Variants in UVSSA observed in about 807,000 individuals in gnomAD.
The protein encoded by UVSSA is UV-stimulated scaffold protein A.
A neutral mutation model predicts 73.9 loss-of-function variants in UVSSA; 72 were observed. The observed-to-expected ratio is 0.97, with a 90% CI of 0.81 to 1.19. The LOEUF (loss-of-function observed/expected upper bound fraction) is 1.19, where lower values mean the gene tolerates loss of function less well. Ranked by LOEUF, UVSSA falls within the 50% of genes most tolerant of loss-of-function variation. The pLI is 0.00. For synonymous variants in UVSSA, 454 were observed against 391.3 expected, an observed-to-expected ratio of 1.16 and a Z score of -1.89; for missense variants, 1,150 against 965.0, an observed-to-expected ratio of 1.19 and a Z score of -2.54.
rs745895956 is a variant in UVSSA at position 1,353,182 on chromosome 4, G to T, written c.703G>T (p.Val235Leu). The T allele has an allele frequency of 9.9e-6, 16 of 1,612,556 alleles. No individual in the cohort carries two copies. Among genetic ancestry groups the T allele is most frequent in the African/African-American group, 5.3e-5 (4 of 74,946 alleles). ...DALRSSCAGQ[V>L]GPCRSGTPDP... ...CCTTCGCTCCTCCTGCGCGGGCCAG[G>T]TGGGCCCCTGCCGGTCTGGCACCCC... The change falls in exon 5 of 14, where the codon GTG becomes TTG. Residue 235 changes from valine to leucine, a missense_variant. Val to Leu is a conservative substitution (Grantham distance 32). Coordinates refer to ENST00000389851, the MANE Select transcript of UVSSA (RefSeq NM_020894.4).
At position 1,381,317 on chromosome 4, in the gene UVSSA, C is replaced by T. The variant is rs1577377640; in HGVS notation, c.1861+329C>T. 1.3e-5 allele frequency among the ~76,000 whole-genome samples: 2 copies of T among 152,360 alleles called. 1 individual carries two copies. Among genetic ancestry groups the T allele is most frequent in the East Asian group, 3.9e-4 (2 of 5,186 alleles). Reference sequence around the variant, plus strand: ...CTCGTGTTTTCAGGCAGGTGAAGGCCTTAAGGCGAGAGAAGTGATTGGGCT... The same window carrying T: ...CTCGTGTTTTCAGGCAGGTGAAGGCTTTAAGGCGAGAGAAGTGATTGGGCT... On this transcript the variant is annotated intron_variant, in intron 12 of 13. Coordinates refer to ENST00000389851, the MANE Select transcript of UVSSA (RefSeq NM_020894.4).
At chr4:1,346,614 G>C (rs1384716421), upstream of UVSSA, among the ~76,000 whole-genome samples, 1 of 152,126 alleles carries the variant, frequency 6.6e-6, no homozygotes, top group Non-Finnish European at 1.5e-5. Context: ...TTCCCTTCCC[G>C]AGGCCGGAGC....
intron 2 of UVSSA, among the ~76,000 whole-genome samples, chr4:1,349,166 C>T (rs962761323): frequency 6.8e-6 from 1 of 146,728 alleles, no homozygotes; most frequent in African/African-American, 2.6e-5. Flanking sequence ...GCTGTAATGC[C>T]TCAGTTGTGA....
At chr4:1,385,478 G>A (rs140206568) in intron 13 of UVSSA, 35 of 265,908 alleles carry the variant, frequency 1.3e-4, no homozygotes, top group East Asian at 3.9e-4. Flanking sequence ...GTGCAGCAGC[G>A]GGCAGGGCTG....
In UVSSA at chr4:1,376,073, G is replaced by C; in HGVS notation, c.1473G>C (p.Lys491Asn). Residue 491 changes from lysine to asparagine, a missense_variant, in exon 10 of 14, where the codon AAG becomes AAC. Lys to Asn is a moderately conservative substitution (Grantham distance 94). Coordinates refer to ENST00000389851, the MANE Select transcript of UVSSA (RefSeq NM_020894.4). ...RALPEPQEAQ[K>N]LAAERARAPV... ...TGCCAGAGCCACAGGAGGCCCAGAA[G>C]CTGGCAGCAGAGCGGGCCCGGGCGC... 6.2e-7 allele frequency: 1 copy of C among 1,602,014 alleles called. No homozygotes were observed. Among genetic ancestry groups the C allele is most frequent in the East Asian group, 2.3e-5 (1 of 44,236 alleles).
Position 1,348,231 on chromosome 4 carries a change from G to A in UVSSA, c.98+42G>A, listed in dbSNP as rs1470914983. ...AGTAACAGTAACTGACTGGCCCACT[G>A]AGCCCAGGACACACACAGGGCCCTG... On this transcript the variant is annotated intron_variant, in intron 2 of 13. Transcript: ENST00000389851. The A allele has an allele frequency of 3.3e-6, 5 of 1,506,152 alleles. No homozygotes were observed. In the African/African-American group the frequency reaches 5.5e-5, roughly 17 times the overall value. 93.3% of individuals were successfully genotyped at this position (1,506,152 alleles called of 1,614,324 possible). A position where few individuals can be genotyped will look rare whatever the true frequency, so the allele number is the denominator to read the frequency against.
chr4:1,371,340 G>A (rs1718014335), intron 8 of UVSSA, among the ~76,000 whole-genome samples: 2 of 151,648 alleles, frequency 1.3e-5, no homozygotes, highest in Admixed American at 6.6e-5. Context: ...GCTCTCTGGT[G>A]GCCTCTGTTT....
chr4:1,357,382 T>C (rs1389838113), intron 7 of UVSSA, among the ~76,000 whole-genome samples: 2 of 152,244 alleles, frequency 1.3e-5, no homozygotes, highest in Non-Finnish European at 2.9e-5. Context: ...TGGCCTGAGA[T>C]TCTGGCAGTG....
chr4:1,344,542 C>G (rs1713543318), upstream of UVSSA, among the ~76,000 whole-genome samples: 1 of 152,190 alleles, frequency 6.6e-6, no homozygotes, highest in South Asian at 2.1e-4. Flanking sequence ...CAGAGCAAGA[C>G]TCTGTCTCAA....
chr4:1,380,881 G>T lies in UVSSA; in HGVS notation c.1754G>T (p.Cys585Phe). 1 of 1,612,698 alleles carries T rather than the reference G, an allele frequency of 6.2e-7. No individual in the cohort carries two copies. The change falls in exon 12 of 14, where the codon TGC (cysteine) becomes TTC (phenylalanine). Residue 585 changes from cysteine (C) to phenylalanine (F), a missense_variant and splice_region_variant. Transcript: ENST00000389851. ...RLCERQDRLK[C>F]PFHGKIVPRD... ...AGCCACCGTGTCCTCGCTGTGCAGTGCCCTTTCCATGGGAAGATTGTTCCA... is the reference window on the plus strand; with the variant it reads ...AGCCACCGTGTCCTCGCTGTGCAGTTCCCTTTCCATGGGAAGATTGTTCCA...
intron 9 of UVSSA, 78 bp downstream of exon 9, chr4:1,375,586 G>A (rs563398437): frequency 4.2e-5 from 64 of 1,541,574 alleles, no homozygotes; most frequent in East Asian, 1.6e-4. Flanking sequence ...GGCCGGCCTC[G>A]AGAGGCTGCT....
chr4:1,350,419 C>T (rs1385321992), intron 3 of UVSSA, among the ~76,000 whole-genome samples: 2 of 152,190 alleles, frequency 1.3e-5, no homozygotes, highest in African/African-American at 4.8e-5. Flanking sequence ...TCCCTGTGTG[C>T]CCTTGGAGTG....
At chr4:1,379,007 C>T (rs1719108903) in intron 10 of UVSSA, among the ~76,000 whole-genome samples, 1 of 150,820 alleles carries the variant, frequency 6.6e-6, no homozygotes, top group African/African-American at 2.4e-5. Context: ...GCAGGGCCTA[C>T]TGCTGGTCCC....
rs774695742 is a variant in UVSSA at position 1,366,327 on chromosome 4, C to T, written c.1184C>T (p.Ala395Val). The T allele has an allele frequency of 8.1e-6, 13 of 1,611,326 alleles. No individual in the cohort carries two copies. The highest frequency in any genetic ancestry group is 1.7e-4 in the Middle Eastern group (1 of 6,060). The change falls in exon 8 of 14, where the codon GCC becomes GTC. Residue 395 changes from alanine (A) to valine (V), a missense_variant. By Grantham distance (64) the Ala-to-Val change is moderately conservative. Coordinates refer to ENST00000389851, the MANE Select transcript of UVSSA (RefSeq NM_020894.4). ...TGGGGTGTTTTTCCACAGACAGAAG[C>T]CCTGGGGGATGCGGAGGAAGATGAG... Reference protein sequence around the residue: ...PEGGERRRTEALGDAEEDEDD... With the variant: ...PEGGERRRTEVLGDAEEDEDD...
rs1560455119 is a variant in UVSSA, at chr4:1,364,225, CCGGGCCCCG to C, written c.1177-2094_1177-2086del. Reference sequence around the variant, plus strand: ...CCACCTCCCGGCAGGGTGCTGGTGCCCGGGCCCCGTGGCCTTGTGTGGCCTGGCTCTGTG... The same window carrying C: ...CCACCTCCCGGCAGGGTGCTGGTGCCTGGCCTTGTGTGGCCTGGCTCTGTG... On this transcript the variant is annotated intron_variant, in intron 7 of 13. Coordinates refer to ENST00000389851, the MANE Select transcript of UVSSA (RefSeq NM_020894.4). Among the ~76,000 whole-genome samples, 179 of 76,840 alleles carry C rather than the reference CCGGGCCCCG, an allele frequency of 2.3e-3. 12 individuals carry two copies. Among genetic ancestry groups the C allele is most frequent in the African/African-American group, 8.8e-3 (168 of 19,150 alleles). The allele number at this position is 76,840 out of a possible 152,430, so 50.4% of individuals were successfully genotyped here. A position where few individuals can be genotyped will look rare whatever the true frequency, so the allele number is the denominator to read the frequency against.
Position 1,386,459 on chromosome 4 carries a change from C to T in UVSSA, c.*498C>T, listed in dbSNP as rs1356052569. The T allele has an allele frequency of 1.3e-5, 2 of 157,068 alleles. No individual in the cohort carries two copies. Among genetic ancestry groups the T allele is most frequent in the South Asian group, 1.9e-4 (1 of 5,296 alleles). The allele number at this position is 157,068 out of a possible 1,614,324, so 9.7% of individuals were successfully genotyped here. On this transcript the variant is annotated 3_prime_UTR_variant, in exon 14 of 14. Coordinates refer to ENST00000389851, the MANE Select transcript of UVSSA (RefSeq NM_020894.4). ...TGGATGTGCCTTTTCATACATGTGT[C>T]CTCTTGTCCCTGGCTTCTTACACTT...
chr4:1,354,011 G>A (rs981460070), intron 5 of UVSSA, among the ~76,000 whole-genome samples: 73 of 152,212 alleles, frequency 4.8e-4, no homozygotes, highest in African/African-American at 1.8e-3. Flanking sequence ...GGAGGCTGGG[G>A]CCCTTTGCGT....
Position 1,353,101 on chromosome 4 carries a change from T to C in UVSSA, c.622T>C (p.Phe208Leu). The C allele has an allele frequency of 6.2e-7, 1 of 1,613,070 alleles. No homozygotes were observed. Among genetic ancestry groups the C allele is most frequent in the Non-Finnish European group, 8.5e-7 (1 of 1,180,012 alleles). The change falls in exon 5 of 14, where the codon TTT becomes CTT. Residue 208 changes from phenylalanine (F) to leucine (L), a missense_variant. Physicochemically the swap from Phe to Leu is conservative, Grantham distance 22 (BLOSUM62 0). Transcript: ENST00000389851. ...SCFRLLVPFD[F>L]DPNPETESLG... ...CTTTAGGCTGCTGGTGCCTTTTGAC[T>C]TTGACCCGAACCCGGAGACGGAATC...
At chr4:1,361,275 T>TGCTG (rs1237691132) in intron 7 of UVSSA, among the ~76,000 whole-genome samples, 55 of 152,348 alleles carry the variant, frequency 3.6e-4, no homozygotes, top group African/African-American at 1.3e-3. Flanking sequence ...AGGCCCACCA[T>TGCTG]GCTGGCTGGC....
Sources: gnomAD v4.1 joint callset for allele counts (sites outside exome capture counted in the v4.1 genomes callset) on GRCh38, gnomAD v4.1.1 for gene constraint, MANE v1.5 for transcripts, NCBI Gene and HGNC (gene_info 2026-07-23, HGNC 2026-07-21) for gene names.